EPHA6: variants seen among roughly 807,000 people sequenced by gnomAD.
EPHA6 encodes the protein EPH receptor A6.
A neutral mutation model predicts 112.0 loss-of-function variants in EPHA6; 50 were observed. The ratio of observed to expected loss-of-function variants is 0.45; its 90% CI spans 0.36 to 0.56. The LOEUF (loss-of-function observed/expected upper bound fraction) is 0.56. Among genes scored for constraint, EPHA6 ranks in the 20% least tolerant of loss-of-function variants. The pLI is 0.00. For synonymous variants in EPHA6, 529 were observed against 490.7 expected (o/e 1.08, Z -1.03); for missense variants, 1,280 against 1,417.4 (o/e 0.90, Z 1.56).
intron 3 of EPHA6, among the ~76,000 whole-genome samples, chr3:96,994,709 G>GTATATATATATATATACATATA (rs1553684482): frequency 5.1e-5 from 5 of 98,482 alleles, no homozygotes; most frequent in African/African-American, 2.7e-4. Context: ...GTGTGTGTGT[G>GTATATATATATATATACATATA]TATATATATA....
chr3:97,214,329 C>G (rs2077970597), intron 3 of EPHA6, among the ~76,000 whole-genome samples: 1 of 151,930 alleles, frequency 6.6e-6, no homozygotes, highest in South Asian at 2.1e-4. Flanking sequence ...CTTGAGCCAC[C>G]TCACCTGGCT....
At chr3:97,419,815 A>T (rs2088465729) in intron 6 of EPHA6, among the ~76,000 whole-genome samples, 1 of 152,240 alleles carries the variant, frequency 6.6e-6, no homozygotes, top group South Asian at 2.1e-4. Context: ...AGAAAGATTG[A>T]TCAAAATTTA....
chr3:97,644,093 A>G (rs1032638824), intron 14 of EPHA6, among the ~76,000 whole-genome samples: 1 of 151,876 alleles, frequency 6.6e-6, no homozygotes, highest in Non-Finnish European at 1.5e-5. Flanking sequence ...ACTATCTCTC[A>G]GACCACAGTG....
rs961024788 is a variant in EPHA6, at chr3:97,517,481, C to T, written c.2201-14877C>T. On this transcript the variant is annotated intron_variant, in intron 10 of 17. Transcript: ENST00000389672. ...TTTCATAAATGTTATTTTTAATTAA[C>T]AATAATTTTATATATTAATGGGATG... Among the ~76,000 whole-genome samples the T allele has an allele frequency of 3.3e-5, 5 of 151,610 alleles. No homozygotes were observed. In the East Asian group the frequency reaches 9.7e-4, roughly 29 times the overall value.
At chr3:97,161,879 G>A (rs1301805910) in intron 3 of EPHA6, among the ~76,000 whole-genome samples, 1 of 152,164 alleles carries the variant, frequency 6.6e-6, no homozygotes, top group Non-Finnish European at 1.5e-5. Flanking sequence ...AAATCCTTGT[G>A]AACTAAATTA....
chr3:96,879,510 A>C (rs1182700658), intron 2 of EPHA6, among the ~76,000 whole-genome samples: 1 of 152,074 alleles, frequency 6.6e-6, no homozygotes, highest in Admixed American at 6.6e-5. Flanking sequence ...TAGAGTTAGG[A>C]GGAAAGAGTT....
intron 4 of EPHA6, among the ~76,000 whole-genome samples, chr3:97,240,853 T>C (rs2078824702): frequency 6.6e-6 from 1 of 151,876 alleles, no homozygotes; most frequent in Non-Finnish European, 1.5e-5. Context: ...AAAAGAGTCT[T>C]ATTTGAGCAA....
chr3:97,301,678 T>C (rs1392737813), intron 5 of EPHA6, among the ~76,000 whole-genome samples: 3 of 152,126 alleles, frequency 2.0e-5, no homozygotes, highest in Admixed American at 1.3e-4. Flanking sequence ...TTTTCTCACA[T>C]ATTTCTCCTT....
rs566188025 is a variant in EPHA6, at chr3:97,001,050, A to ATG, written c.1114+13069_1114+13070dup. On this transcript the variant is annotated intron_variant, in intron 3 of 17. Transcript: ENST00000389672. ...TATATATGCATGTGTGTTCGTATAT[A>ATG]TGTGTGTGTGTGTTTCATAAAACCA... is the stretch of plus-strand genomic sequence containing the variant. Among the ~76,000 whole-genome samples, 8 of 149,668 alleles carry ATG rather than the reference A, an allele frequency of 5.3e-5. No homozygotes were observed. The South Asian group carries it at 8.3e-4, about 16-fold the overall frequency.
intron 11 of EPHA6, among the ~76,000 whole-genome samples, chr3:97,573,632 G>T (rs1243396811): frequency 6.6e-6 from 1 of 151,688 alleles, no homozygotes; most frequent in Non-Finnish European, 1.5e-5. Flanking sequence ...TAGGGTACAT[G>T]TGCACATTGT....
intron 10 of EPHA6, among the ~76,000 whole-genome samples, chr3:97,498,438 T>C (rs1386381561): frequency 6.6e-6 from 1 of 151,504 alleles, no homozygotes; most frequent in African/African-American, 2.4e-5. Flanking sequence ...CGTTGTTGGG[T>C]CATGGGCCCA....
intron 10 of EPHA6, among the ~76,000 whole-genome samples, chr3:97,513,993 A>G (rs1219013918): frequency 1.3e-5 from 2 of 152,148 alleles, no homozygotes; most frequent in African/African-American, 2.4e-5. Flanking sequence ...AAAGAATGAT[A>G]TAATTCAGCC....
chr3:97,485,006 T>C (rs1370739195), intron 10 of EPHA6, among the ~76,000 whole-genome samples: 3 of 152,226 alleles, frequency 2.0e-5, no homozygotes, highest in African/African-American at 7.2e-5. Context: ...ACAGCTGCCA[T>C]GCATGCAGCT....
chr3:97,299,957 A>G (rs1473485142), intron 5 of EPHA6, among the ~76,000 whole-genome samples: 1 of 152,260 alleles, frequency 6.6e-6, no homozygotes, highest in East Asian at 1.9e-4. Flanking sequence ...TTTATTTGCC[A>G]CCTGTTTCAT....
intron 1 of EPHA6, among the ~76,000 whole-genome samples, chr3:96,836,642 G>A (rs2034432294): frequency 6.6e-6 from 1 of 152,026 alleles, no homozygotes; most frequent in Non-Finnish European, 1.5e-5. Context: ...ATTCATGTTG[G>A]CATTAAACAG....
chr3:97,152,407 G>A (rs1188919524), intron 3 of EPHA6, among the ~76,000 whole-genome samples: 2 of 149,618 alleles, frequency 1.3e-5, no homozygotes, highest in Non-Finnish European at 3.0e-5. Flanking sequence ...ACCATTGCAA[G>A]TATAAACTAA....
chr3:97,420,624 A>C (rs915917399), intron 6 of EPHA6, among the ~76,000 whole-genome samples: 1 of 152,238 alleles, frequency 6.6e-6, no homozygotes, highest in Non-Finnish European at 1.5e-5. Flanking sequence ...CCCATCTTTC[A>C]AGGAACCCAT....
chr3:96,833,624 A>G (rs767247633), intron 1 of EPHA6, among the ~76,000 whole-genome samples: 1 of 152,036 alleles, frequency 6.6e-6, no homozygotes, highest in Non-Finnish European at 1.5e-5. Context: ...CTCTTAGAAT[A>G]TAAAAGAGAT....
intron 3 of EPHA6, among the ~76,000 whole-genome samples, chr3:97,094,947 T>C (rs973515310): frequency 1.3e-5 from 2 of 152,116 alleles, no homozygotes; most frequent in African/African-American, 4.8e-5. Flanking sequence ...GGGTGTATGA[T>C]ATCTTGAGTA....
Sources: gnomAD v4.1 joint callset for allele counts (sites outside exome capture counted in the v4.1 genomes callset) on GRCh38, gnomAD v4.1.1 for gene constraint, MANE v1.5 for transcripts, NCBI Gene and HGNC (gene_info 2026-07-23, HGNC 2026-07-21) for gene names.